Variants in TULP3 observed in about 807,000 individuals in gnomAD.
TULP3 encodes the protein tubby-related protein 3.
TULP3 carries 38 observed loss-of-function variants against 50.7 expected under a neutral mutation model. The ratio of observed to expected loss-of-function variants is 0.75; its 90% CI spans 0.58 to 0.98. The LOEUF (loss-of-function observed/expected upper bound fraction) is 0.98. Ranked by LOEUF, TULP3 falls within the 50% of genes least tolerant of loss-of-function variation. TULP3 has a pLI of 0.00. For synonymous variants in TULP3, 183 were observed against 196.6 expected (o/e 0.93, Z 0.58); for missense variants, 550 against 568.0 (o/e 0.97, Z 0.32).
At position 2,939,416 on chromosome 12, in the gene TULP3, G is replaced by T; in HGVS notation, c.1301G>T (p.Ser434Ile). Residue 434 changes from serine to isoleucine, a missense_variant, in exon 11 of 11, where the codon AGC becomes ATC. By Grantham distance (142) the Ser-to-Ile change is moderately radical. Transcript: ENST00000448120. This position sits in a 1 kb window ranked among gnomAD's most constrained non-coding sequence, Gnocchi z 4.0. Reference protein sequence around the residue: ...AVQAFGIGLSSFDSKLACE With the variant: ...AVQAFGIGLSIFDSKLACE ...CAGGCCTTTGGCATCGGTCTTTCTAGCTTTGACAGTAAGCTGGCGTGTGAA... is the reference window on the plus strand; with the variant it reads ...CAGGCCTTTGGCATCGGTCTTTCTATCTTTGACAGTAAGCTGGCGTGTGAA... 1.9e-6 allele frequency: 3 copies of T among 1,614,160 alleles called. No individual in the cohort carries two copies. The highest frequency in any genetic ancestry group is 2.5e-6 in the Non-Finnish European group (3 of 1,180,036).
intron 1 of TULP3, among the ~76,000 whole-genome samples, chr12:2,895,385 C>T (rs985131088): frequency 6.6e-6 from 1 of 152,164 alleles, no homozygotes; most frequent in African/African-American, 2.4e-5. Context: ...GACAGCTGAG[C>T]TTAGAATACT....
chr12:2,916,673 A>C (rs918890724), intron 2 of TULP3, among the ~76,000 whole-genome samples: 5 of 152,172 alleles, frequency 3.3e-5, no homozygotes, highest in Admixed American at 6.6e-5. Flanking sequence ...CAGGGAAGTA[A>C]AATATAGATG....
At chr12:2,911,447 G>A (rs1482924611) in intron 2 of TULP3, among the ~76,000 whole-genome samples, 1 of 151,572 alleles carries the variant, frequency 6.6e-6, no homozygotes, top group Admixed American at 6.6e-5. Context: ...CCAACTCCCG[G>A]GTTCACGCCA....
At chr12:2,898,340 A>AT (rs1191016077) in intron 1 of TULP3, among the ~76,000 whole-genome samples, 2 of 151,728 alleles carry the variant, frequency 1.3e-5, no homozygotes, top group East Asian at 3.9e-4. Flanking sequence ...CTTTTTAATT[A>AT]TTTTTTTTCA....
rs755796932 is a variant in TULP3, at chr12:2,939,498, G to A, written c.*54G>A. The A allele has an allele frequency of 3.7e-5, 60 of 1,603,800 alleles. No homozygotes were observed. The highest frequency in any genetic ancestry group is 4.7e-5 in the Non-Finnish European group (55 of 1,175,360). ...CCCACAGAGCTTTCAGGAGCAGACA[G>A]TGGCCTCCCCTTCCCCTCCCTGCCC... On this transcript the variant is annotated 3_prime_UTR_variant, in exon 11 of 11. Coordinates refer to ENST00000448120, the MANE Select transcript of TULP3 (RefSeq NM_003324.5). The surrounding 1 kb of genome is among the most constrained non-coding windows in gnomAD (Gnocchi z 4.0).
chr12:2,897,265 C>T (rs113264247), intron 1 of TULP3, among the ~76,000 whole-genome samples: 1 of 152,216 alleles, frequency 6.6e-6, no homozygotes, highest in African/African-American at 2.4e-5. Context: ...CTGCCTCGGC[C>T]TCCTAAAGTA....
At position 2,938,296 on chromosome 12, in the gene TULP3, A is replaced by G. The variant is rs1407999545; in HGVS notation, c.1195+11A>G. The G allele has an allele frequency of 1.9e-6, 3 of 1,612,906 alleles. No individual in the cohort carries two copies. The Admixed American group carries it at 5.0e-5, about 27-fold the overall frequency. On this transcript the variant is annotated intron_variant, in intron 10 of 10. Transcript: ENST00000448120. ...TCCACAAAAATGACCGTAAGCCTCC[A>G]GGAGGGGTTGGGTGGGAAGAGGAGG... is the stretch of plus-strand genomic sequence containing the variant.
intron 1 of TULP3, among the ~76,000 whole-genome samples, chr12:2,898,804 T>G (rs2098177086): frequency 6.6e-6 from 1 of 151,894 alleles, no homozygotes; most frequent in South Asian, 2.1e-4. Flanking sequence ...CTCTGCCTCC[T>G]GAGTAGCTGG....
At position 2,939,147 on chromosome 12, in the gene TULP3, G is replaced by A. The variant is rs1334455370; in HGVS notation, c.1196-164G>A. Among the ~76,000 whole-genome samples, 3 of 152,068 alleles carry A rather than the reference G, an allele frequency of 2.0e-5. No individual in the cohort carries two copies. Among genetic ancestry groups the A allele is most frequent in the Admixed American group, 1.3e-4 (2 of 15,264 alleles). On this transcript the variant is annotated intron_variant, in intron 10 of 10. Transcript: ENST00000448120. The surrounding 1 kb of genome is among the most constrained non-coding windows in gnomAD (Gnocchi z 4.0). ...AGGCTGAGGTGGGAGGATCACTTGAGCCTGGGACGGGAGGTCAAGGCTGCA... is the reference window on the plus strand; with the variant it reads ...AGGCTGAGGTGGGAGGATCACTTGAACCTGGGACGGGAGGTCAAGGCTGCA...
intron 5 of TULP3, 38 bp from the exon 6 acceptor site, chr12:2,930,999 C>T (rs1220599318): frequency 6.2e-7 from 1 of 1,609,224 alleles, no homozygotes; most frequent in Non-Finnish European, 8.5e-7. Context: ...GATTTTGAGT[C>T]TCGGCCTGTT....
At chr12:2,931,980 G>A (rs2098198343) in intron 6 of TULP3, among the ~76,000 whole-genome samples, 1 of 152,120 alleles carries the variant, frequency 6.6e-6, no homozygotes, top group South Asian at 2.1e-4. Context: ...CTAAGTGGTG[G>A]CAGAGCCAAA....
rs1242262579 is a variant in TULP3 at position 2,939,992 on chromosome 12, A to C, written c.*548A>C. On this transcript the variant is annotated 3_prime_UTR_variant, in exon 11 of 11. Coordinates refer to ENST00000448120, the MANE Select transcript of TULP3 (RefSeq NM_003324.5). This position sits in a 1 kb window ranked among gnomAD's most constrained non-coding sequence, Gnocchi z 4.0. ...CAGTAGAATCAGGGACTGACATCGC[A>C]GTTCCTCTCCTCTCTTCATTCCCTC... 7.8e-7 allele frequency: 1 copy of C among 1,281,638 alleles called. No homozygotes were observed. Among genetic ancestry groups the C allele is most frequent in the East Asian group, 5.6e-5 (1 of 17,758 alleles). The allele number at this position is 1,281,638 out of a possible 1,614,324, so 79.4% of individuals were successfully genotyped here.
chr12:2,904,482 C>T (rs1260192236), intron 1 of TULP3, among the ~76,000 whole-genome samples: 2 of 152,168 alleles, frequency 1.3e-5, no homozygotes, highest in Non-Finnish European at 2.9e-5. Flanking sequence ...GGACCACAGG[C>T]TCATGGCACC....
chr12:2,924,586 T>C (rs766563057), intron 4 of TULP3, among the ~76,000 whole-genome samples: 42 of 151,838 alleles, frequency 2.8e-4, no homozygotes, highest in East Asian at 9.7e-4. Context: ...GAGGTTGTGC[T>C]AGGAGGATTG....
chr12:2,936,085 G>A (rs1163246457), intron 8 of TULP3, among the ~76,000 whole-genome samples: 2 of 151,854 alleles, frequency 1.3e-5, no homozygotes, highest in African/African-American at 2.4e-5. Context: ...TGGCCAACAT[G>A]GCAAAAACCC....
intron 6 of TULP3, 28 bp downstream of exon 6, chr12:2,931,268 C>T (rs774922238): frequency 6.2e-7 from 1 of 1,605,846 alleles, no homozygotes; most frequent in Non-Finnish European, 8.5e-7. Context: ...TAAGAAAACT[C>T]TTGAGAGAGA....
chr12:2,891,979 G>T (rs1391313807), intron 1 of TULP3, among the ~76,000 whole-genome samples: 7 of 152,022 alleles, frequency 4.6e-5, no homozygotes, highest in Non-Finnish European at 1.0e-4. Flanking sequence ...CCAGCGACTC[G>T]AGAGACTGAG....
Position 2,938,265 on chromosome 12 carries a change from A to G in TULP3, c.1175A>G (p.Gln392Arg). 6.2e-7 allele frequency: 1 copy of G among 1,614,088 alleles called. No individual in the cohort carries two copies. Among genetic ancestry groups the G allele is most frequent in the Non-Finnish European group, 8.5e-7 (1 of 1,180,000 alleles). ...RVTQASVKNF[Q>R]IVHKNDPDYI... is the part of the protein sequence containing the mutation. ...ACTCAGGCGTCTGTGAAGAACTTCCAGATAGTCCACAAAAATGACCGTAAG... is the reference window on the plus strand; with the variant it reads ...ACTCAGGCGTCTGTGAAGAACTTCCGGATAGTCCACAAAAATGACCGTAAG... Residue 392 changes from glutamine to arginine, a missense_variant, in exon 10 of 11, where the codon CAG (glutamine) becomes CGG (arginine). Gln to Arg is a conservative substitution (Grantham distance 43). Coordinates refer to ENST00000448120, the MANE Select transcript of TULP3 (RefSeq NM_003324.5).
chr12:2,921,436 C>T (rs990760028), intron 3 of TULP3, among the ~76,000 whole-genome samples: 3 of 152,250 alleles, frequency 2.0e-5, no homozygotes, highest in Admixed American at 2.0e-4. Flanking sequence ...CCACCATGCC[C>T]GGCAAGAACT....
Sources: allele counts gnomAD v4.1 joint callset (sites outside exome capture counted in the v4.1 genomes callset), GRCh38; gene constraint gnomAD v4.1.1; non-coding constraint Gnocchi (gnomAD v3.1); transcripts MANE v1.5; gene names NCBI Gene and HGNC (gene_info 2026-07-23, HGNC 2026-07-21).